The following BSPH1 variants were observed in gnomAD, a reference collection of about 807,000 sequenced individuals.
The protein encoded by BSPH1 is binder of sperm protein homolog 1.
In BSPH1, 21 loss-of-function variants were observed where a neutral mutation model predicts 22.5. The observed-to-expected ratio is 0.93, with a 90% CI of 0.66 to 1.35. The LOEUF (loss-of-function observed/expected upper bound fraction) is 1.35. Among genes scored for constraint, BSPH1 ranks in the 40% most tolerant of loss-of-function variants. The pLI is 0.00. For missense variants in BSPH1, 141 were observed against 154.2 expected (o/e 0.91, Z 0.45); for synonymous variants, 42 against 53.6 (o/e 0.78, Z 0.95).
At chr19:47,976,683 T>A in intron 5 of BSPH1, 27 bp downstream of exon 5, 4 of 1,546,330 alleles carry the variant, frequency 2.6e-6, no homozygotes, top group Non-Finnish European at 3.5e-6. Flanking sequence ...TTAAACGTCT[T>A]CATCCCCCTC....
intron 5 of BSPH1, among the ~76,000 whole-genome samples, chr19:47,971,452 C>T (rs775586929): frequency 4.6e-5 from 7 of 152,170 alleles, no homozygotes; most frequent in African/African-American, 1.2e-4. Flanking sequence ...GTGATCTGCC[C>T]GCCTCGGCCT....
chr19:47,984,282 A>G (rs1364090583), intron 1 of BSPH1, among the ~76,000 whole-genome samples: 1 of 150,194 alleles, frequency 6.7e-6, no homozygotes, highest in Non-Finnish European at 1.5e-5. Flanking sequence ...AAATTAATAT[A>G]GTCCTAGAAT....
At chr19:47,985,926 T>A (rs1264560564) in intron 1 of BSPH1, among the ~76,000 whole-genome samples, 1 of 152,044 alleles carries the variant, frequency 6.6e-6, no homozygotes, top group Non-Finnish European at 1.5e-5. Context: ...CTGAACCCGA[T>A]CACTTTTCCA....
At chr19:47,991,777 TC>T (rs796554011) in intron 1 of BSPH1, among the ~76,000 whole-genome samples, 8 of 48,426 alleles carry the variant, frequency 1.7e-4, no homozygotes, top group East Asian at 5.9e-4. Flanking sequence ...CTTCACCTCC[TC>T]CCCCCTTCTC....
intron 2 of BSPH1, 26 bp downstream of exon 2, chr19:47,980,895 T>C: frequency 7.2e-7 from 1 of 1,390,406 alleles, no homozygotes; most frequent in Non-Finnish European, 9.8e-7. Context: ...AAAGAAACGC[T>C]AATAAAAGTT....
chr19:47,980,785 T>C, intron 2 of BSPH1, 136 bp downstream of exon 2: 1 of 552,240 alleles, frequency 1.8e-6, no homozygotes, highest in South Asian at 2.3e-5. Flanking sequence ...AAATTTACTT[T>C]ATATATAAGT....
At chr19:47,972,222 C>T (rs936678033) in intron 5 of BSPH1, among the ~76,000 whole-genome samples, 1 of 151,224 alleles carries the variant, frequency 6.6e-6, no homozygotes, top group Non-Finnish European at 1.5e-5. Flanking sequence ...AGTCTTACCT[C>T]ATTGAGGTTG....
intron 1 of BSPH1, among the ~76,000 whole-genome samples, chr19:47,989,045 A>G (rs1969497835): frequency 6.6e-6 from 1 of 151,762 alleles, no homozygotes; most frequent in African/African-American, 2.4e-5. Context: ...CATGCTCATG[A>G]GTGGAGATGC....
chr19:47,972,087 T>C (rs1046931272), intron 5 of BSPH1, among the ~76,000 whole-genome samples: 1 of 152,198 alleles, frequency 6.6e-6, no homozygotes, highest in African/African-American at 2.4e-5. Context: ...ACAAGATAAA[T>C]ACCTGGGGTT....
intron 5 of BSPH1, among the ~76,000 whole-genome samples, chr19:47,975,320 C>T (rs1310509878): frequency 6.6e-6 from 1 of 152,112 alleles, no homozygotes; most frequent in Non-Finnish European, 1.5e-5. Context: ...CGTCAGCCAC[C>T]GCTCCTGGCC....
Position 47,976,819 on chromosome 19 carries a change from G to A in BSPH1, c.292C>T (p.Arg98Cys), listed in dbSNP as rs1469966396. The change falls in exon 5 of 6, where the codon CGC (arginine) becomes TGC (cysteine). Residue 98 changes from arginine to cysteine, a missense_variant. Physicochemically the swap from Arg to Cys is radical, Grantham distance 180. Coordinates refer to ENST00000344839, the MANE Select transcript of BSPH1 (RefSeq NM_001128326.2). ...ANCVFPFWYRRLIYWECTDDG... is the reference protein window; with the variant it reads ...ANCVFPFWYRCLIYWECTDDG... ...TCAGTACACTCCCAGTAGATCAAGC[G>A]TCTGTACCAGAAGGGAAATACACAG... 1.3e-5 allele frequency: 20 copies of A among 1,551,376 alleles called. No homozygotes were observed. Among genetic ancestry groups the A allele is most frequent in the Admixed American group, 1.2e-4 (6 of 50,982 alleles).
At chr19:47,975,420 G>C (rs1400888836) in intron 5 of BSPH1, among the ~76,000 whole-genome samples, 1 of 152,114 alleles carries the variant, frequency 6.6e-6, no homozygotes, top group Non-Finnish European at 1.5e-5. Context: ...TCAAGTGCTG[G>C]CTTGCCCACT....
intron 1 of BSPH1, among the ~76,000 whole-genome samples, chr19:47,985,079 G>GAAAAAAAAAAAAAAAA: frequency 1.4e-5 from 1 of 73,114 alleles, no homozygotes. Context: ...AAAAAAAAAA[G>GAAAAAAAAAAAAAAAA]AAAGAAAAAG....
intron 1 of BSPH1, among the ~76,000 whole-genome samples, chr19:47,987,773 C>T (rs773625574): frequency 7.7e-4 from 117 of 152,234 alleles, no homozygotes; most frequent in Non-Finnish European, 1.1e-3. Context: ...GGGCAGATCG[C>T]TTGAGCTCAG....
intron 5 of BSPH1, among the ~76,000 whole-genome samples, chr19:47,968,768 G>T (rs1181820714): frequency 1.3e-5 from 2 of 151,498 alleles, no homozygotes; most frequent in African/African-American, 2.4e-5. Context: ...GGAGGCTGAG[G>T]TGGGCGGATT....
intron 5 of BSPH1, 109 bp downstream of exon 5, chr19:47,976,601 A>AAAAAC: frequency 1.2e-6 from 1 of 808,782 alleles, no homozygotes; most frequent in African/African-American, 1.8e-5. Flanking sequence ...AAAAAACAAA[A>AAAAAC]AAAAACCCTC....
intron 5 of BSPH1, among the ~76,000 whole-genome samples, chr19:47,969,871 T>G (rs1461160234): frequency 5.3e-5 from 8 of 151,554 alleles, no homozygotes; most frequent in Non-Finnish European, 1.5e-5. Context: ...GAGAGAGACT[T>G]TAGAATTTAT....
At chr19:47,984,297 C>G (rs1969448768) in intron 1 of BSPH1, among the ~76,000 whole-genome samples, 1 of 150,226 alleles carries the variant, frequency 6.7e-6, no homozygotes, top group Non-Finnish European at 1.5e-5. Flanking sequence ...TAGAATTAGT[C>G]TTAGAATACT....
chr19:47,979,092 C>T (rs1428176), intron 3 of BSPH1, among the ~76,000 whole-genome samples: 10,876 of 152,164 alleles, frequency 0.071, 452 homozygotes, highest in East Asian at 0.2. Flanking sequence ...CAGCAAGCAT[C>T]ACAAAATATT....
Sources: gnomAD v4.1 joint callset for allele counts (sites outside exome capture counted in the v4.1 genomes callset) on GRCh38, gnomAD v4.1.1 for gene constraint, MANE v1.5 for transcripts, NCBI Gene and HGNC (gene_info 2026-07-23, HGNC 2026-07-21) for gene names.